Variants in RORA observed in about 807,000 individuals in gnomAD.
The protein encoded by RORA is nuclear receptor ROR-alpha.
Under a neutral mutation model 69.5 loss-of-function variants are expected in RORA, and 7 were observed. The ratio of observed to expected loss-of-function variants is 0.10; its 90% CI spans 0.06 to 0.19. The LOEUF is 0.19. Ranked by LOEUF, RORA falls within the 10% of genes least tolerant of loss-of-function variation. RORA has a pLI of 1.00. For synonymous variants in RORA, 261 were observed against 240.8 expected (o/e 1.08, Z -0.78); for missense variants, 457 against 663.0 (o/e 0.69, Z 3.41).
chr15:61,142,522 A>G (rs1363614824), intron 1 of RORA, among the ~76,000 whole-genome samples: 3 of 146,278 alleles, frequency 2.1e-5, no homozygotes, highest in East Asian at 2.0e-4. Flanking sequence ...CAAAACAGCT[A>G]TAACACTGAT....
At chr15:61,051,228 T>A (rs1162621523) in intron 1 of RORA, among the ~76,000 whole-genome samples, 1 of 152,150 alleles carries the variant, frequency 6.6e-6, no homozygotes, top group Non-Finnish European at 1.5e-5. Context: ...TGCCACATCC[T>A]CCACTCAGAA....
At chr15:60,589,632 T>C (rs1386915969) in intron 2 of RORA, among the ~76,000 whole-genome samples, 1 of 152,136 alleles carries the variant, frequency 6.6e-6, no homozygotes, top group African/African-American at 2.4e-5. Flanking sequence ...AAAAGCAAAA[T>C]TGAAGGATGA....
intron 1 of RORA, among the ~76,000 whole-genome samples, chr15:60,877,489 G>A (rs1409068117): frequency 6.6e-6 from 1 of 152,136 alleles, no homozygotes; most frequent in Non-Finnish European, 1.5e-5. Context: ...AGGGTGTGAG[G>A]CTGTTTTGAT....
intron 1 of RORA, among the ~76,000 whole-genome samples, chr15:60,891,758 A>C (rs532187736): frequency 5.9e-5 from 9 of 152,340 alleles, no homozygotes; most frequent in Admixed American, 3.9e-4. Flanking sequence ...CCTACTCTGC[A>C]TGCTGTTTTC....
chr15:60,893,743 G>A (rs7165210), intron 1 of RORA, among the ~76,000 whole-genome samples: 39,164 of 152,114 alleles, frequency 0.26, 5,298 homozygotes, highest in South Asian at 0.3. Context: ...AAGGGAAAGG[G>A]CAGTGCAGGA....
At chr15:61,089,111 C>T (rs749690429) in intron 1 of RORA, among the ~76,000 whole-genome samples, 10 of 152,288 alleles carry the variant, frequency 6.6e-5, no homozygotes, top group Admixed American at 1.3e-4. Flanking sequence ...AGGAGCCATA[C>T]AACACATGCA....
At chr15:60,919,068 C>A (rs1052990402) in intron 1 of RORA, among the ~76,000 whole-genome samples, 1 of 152,120 alleles carries the variant, frequency 6.6e-6, no homozygotes, top group African/African-American at 2.4e-5. Flanking sequence ...ATATAATATG[C>A]ACTAGGCATG....
At chr15:60,538,362 C>T (rs540270012) in intron 2 of RORA, among the ~76,000 whole-genome samples, 1 of 152,138 alleles carries the variant, frequency 6.6e-6, no homozygotes, top group Non-Finnish European at 1.5e-5. Context: ...TAATTCTTAC[C>T]TCCCAGGCAG....
intron 1 of RORA, among the ~76,000 whole-genome samples, chr15:61,179,525 C>T (rs180965662): frequency 1.7e-3 from 257 of 152,218 alleles, no homozygotes; most frequent in African/African-American, 6.0e-3. Flanking sequence ...ATTATTTTCT[C>T]TATTTTCAGT....
intron 1 of RORA, among the ~76,000 whole-genome samples, chr15:60,856,484 A>G (rs1304640954): frequency 4.7e-5 from 4 of 84,362 alleles, no homozygotes; most frequent in Non-Finnish European, 9.9e-5. Flanking sequence ...TTAAAGAATC[A>G]CTGACCTTTT....
chr15:61,190,446 G>A (rs1222998265), intron 1 of RORA, among the ~76,000 whole-genome samples: 1 of 152,186 alleles, frequency 6.6e-6, no homozygotes, highest in Non-Finnish European at 1.5e-5. Context: ...ATAAAATCAT[G>A]AGATAGATTA....
intron 1 of RORA, among the ~76,000 whole-genome samples, chr15:61,202,761 G>C (rs2079906851): frequency 1.3e-5 from 2 of 152,028 alleles, no homozygotes; most frequent in African/African-American, 4.8e-5. Context: ...TGGAATTCCA[G>C]GTAGAAAAAA....
intron 1 of RORA, among the ~76,000 whole-genome samples, chr15:60,698,202 C>A (rs1348554568): frequency 6.6e-6 from 1 of 152,070 alleles, no homozygotes; most frequent in African/African-American, 2.4e-5. Flanking sequence ...TAGCTATAGT[C>A]AAGTTTCAAG....
chr15:60,542,668 TGGCACACGG>T (rs1567073570), intron 2 of RORA, among the ~76,000 whole-genome samples: 57 of 80,318 alleles, frequency 7.1e-4, no homozygotes, highest in African/African-American at 3.5e-3. Flanking sequence ...CTCACACACA[TGGCACACGG>T]GCACACCTCC....
chr15:60,538,709 T>C (rs2066758040), intron 2 of RORA, among the ~76,000 whole-genome samples: 1 of 152,196 alleles, frequency 6.6e-6, no homozygotes, highest in Non-Finnish European at 1.5e-5. Flanking sequence ...GACCTAGCTT[T>C]ATCTAGGGCT....
At chr15:60,606,864 G>C in intron 2 of RORA, among the ~76,000 whole-genome samples, 1 of 151,728 alleles carries the variant, frequency 6.6e-6, no homozygotes, top group Admixed American at 6.6e-5. Context: ...CGAAAAAACA[G>C]AAAAGAAAAA....
chr15:60,774,627 A>G (rs1049066069), intron 1 of RORA, among the ~76,000 whole-genome samples: 5 of 152,202 alleles, frequency 3.3e-5, no homozygotes, highest in Non-Finnish European at 7.3e-5. Flanking sequence ...ATGCACCCAT[A>G]TCTAGGTAAC....
intron 1 of RORA, among the ~76,000 whole-genome samples, chr15:60,985,137 TA>T (rs1378193268): frequency 6.6e-6 from 1 of 152,202 alleles, no homozygotes; most frequent in Non-Finnish European, 1.5e-5. Context: ...AATTTGGAAA[TA>T]AACTGTGGAA....
At position 60,502,646 on chromosome 15, in the gene RORA, C is replaced by T. The variant is rs1198421369; in HGVS notation, c.1183+114G>A. The T allele has an allele frequency of 4.0e-6, 3 of 750,924 alleles. No homozygotes were observed. In the African/African-American group the frequency reaches 5.3e-5, roughly 13 times the overall value. The allele number at this position is 750,924 out of a possible 1,614,324, so 46.5% of individuals were successfully genotyped here. A position where few individuals can be genotyped will look rare whatever the true frequency, so the allele number is the denominator to read the frequency against. On this transcript the variant is annotated intron_variant, in intron 8 of 10. Transcript: ENST00000335670. Reference sequence around the variant, plus strand: ...AGAAAGTAAAATAGGTATAAAACCCCTTAATTTTTGTTTCTAAATAAAGTT... The same window carrying T: ...AGAAAGTAAAATAGGTATAAAACCCTTTAATTTTTGTTTCTAAATAAAGTT...
Sources: gnomAD v4.1 joint callset for allele counts (sites outside exome capture counted in the v4.1 genomes callset) on GRCh38, gnomAD v4.1.1 for gene constraint, MANE v1.5 for transcripts, NCBI Gene and HGNC (gene_info 2026-07-23, HGNC 2026-07-21) for gene names.